EPB41: variants seen among roughly 807,000 people sequenced by gnomAD.
EPB41 encodes protein 4.1.
In EPB41, 65 loss-of-function variants were observed where a neutral mutation model predicts 108.0. The observed-to-expected ratio is 0.60, with a 90% CI of 0.49 to 0.74. The LOEUF is 0.74. EPB41 is among the 30% of genes least tolerant of loss of function. The pLI, the probability that EPB41 is intolerant of heterozygous loss-of-function variation, is 0.00. For synonymous variants in EPB41, 336 were observed against 358.9 expected (o/e 0.94, Z 0.72); for missense variants, 875 against 1,037.0 (o/e 0.84, Z 2.15).
intron 17 of EPB41, among the ~76,000 whole-genome samples, chr1:29,106,141 C>T (rs2151619094): frequency 6.6e-6 from 1 of 152,224 alleles, no homozygotes; most frequent in South Asian, 2.1e-4. Context: ...TATGAGGAAA[C>T]ATTGGTAAGA....
At chr1:29,024,895 G>C (rs2096699963) in intron 7 of EPB41, among the ~76,000 whole-genome samples, 1 of 151,952 alleles carries the variant, frequency 6.6e-6, no homozygotes, top group Non-Finnish European at 1.5e-5. Context: ...GAATTTACTT[G>C]CTCCTTTTTG....
chr1:29,112,032 C>T (rs573105416), intron 18 of EPB41, among the ~76,000 whole-genome samples: 1 of 151,324 alleles, frequency 6.6e-6, no homozygotes, highest in East Asian at 1.9e-4. Context: ...GTGTACTCTA[C>T]AAGGGAGTAG....
intron 1 of EPB41, among the ~76,000 whole-genome samples, chr1:28,917,372 CT>C (rs2092758988): frequency 6.6e-6 from 1 of 152,070 alleles, no homozygotes; most frequent in Admixed American, 6.6e-5. Flanking sequence ...CCTCCACCTC[CT>C]GGATTTAAGC....
chr1:29,018,348 C>G lies in EPB41; in HGVS notation c.1030C>G (p.Leu344Val). ...QSELGDYDPE[L>V]HGVDYVSDFK... is the part of the protein sequence containing the mutation. Reference sequence around the variant, plus strand: ...TGAACTGGGAGACTACGACCCAGAACTCCATGGCGTGGATTATGTTAGTGA... The same window carrying G: ...TGAACTGGGAGACTACGACCCAGAAGTCCATGGCGTGGATTATGTTAGTGA... The change falls in exon 7 of 21, where the codon CTC becomes GTC. Residue 344 changes from leucine (L) to valine (V), a missense_variant. By Grantham distance (32) the Leu-to-Val change is conservative (BLOSUM62 1). Transcript: ENST00000343067. This position sits in a 1 kb window ranked among gnomAD's most constrained non-coding sequence, Gnocchi z 4.4. 6.2e-7 allele frequency: 1 copy of G among 1,614,156 alleles called. No homozygotes were observed. The highest frequency in any genetic ancestry group is 8.5e-7 in the Non-Finnish European group (1 of 1,180,030).
intron 3 of EPB41, among the ~76,000 whole-genome samples, chr1:28,995,879 GAA>G (rs998315645): frequency 6.6e-6 from 1 of 152,126 alleles, no homozygotes; most frequent in African/African-American, 2.4e-5. Context: ...GAGAAAAAAA[GAA>G]AATTATTTGA....
rs140520678 is a variant in EPB41 at position 28,916,586 on chromosome 1, G to A, written c.-8+1818G>A. Reference sequence around the variant, plus strand: ...TAGGAGGCGGAGGTTGCAGTGAGCCGAGATTGCACCACTGCACTTCAACCT... The same window carrying A: ...TAGGAGGCGGAGGTTGCAGTGAGCCAAGATTGCACCACTGCACTTCAACCT... On this transcript the variant is annotated intron_variant, in intron 1 of 20. Transcript: ENST00000343067. Among the ~76,000 whole-genome samples, 1,096 of 152,228 alleles carry A rather than the reference G, an allele frequency of 7.2e-3. 16 individuals carry two copies. The highest frequency in any genetic ancestry group is 0.023 in the African/African-American group (945 of 41,528).
intron 20 of EPB41, among the ~76,000 whole-genome samples, chr1:29,116,291 G>A (rs1670933507): frequency 6.6e-6 from 1 of 151,776 alleles, no homozygotes; most frequent in African/African-American, 2.4e-5. Flanking sequence ...TGGGACTACA[G>A]GCATGTGCCA....
chr1:29,080,411 CTTTTTTTTTT>C (rs62880161), intron 16 of EPB41, among the ~76,000 whole-genome samples: 4 of 139,722 alleles, frequency 2.9e-5, no homozygotes, highest in Non-Finnish European at 4.7e-5. Context: ...CCCTTTTTTT[CTTTTTTTTTT>C]TTTTTGAGAC....
At chr1:29,104,934 G>T (rs915341472) in intron 17 of EPB41, among the ~76,000 whole-genome samples, 1 of 151,252 alleles carries the variant, frequency 6.6e-6, no homozygotes, top group African/African-American at 2.4e-5. Context: ...TGTTGCTAAG[G>T]CTGATCTCGA....
At chr1:28,943,092 AAG>A (rs2094357133) in intron 1 of EPB41, among the ~76,000 whole-genome samples, 1 of 152,202 alleles carries the variant, frequency 6.6e-6, no homozygotes. Context: ...TAAAAGATAT[AAG>A]AAAAAGTTCT....
intron 17 of EPB41, among the ~76,000 whole-genome samples, chr1:29,108,254 T>G (rs1667905970): frequency 6.6e-6 from 1 of 151,038 alleles, no homozygotes; most frequent in South Asian, 2.1e-4. Context: ...GTTCAAGCTA[T>G]TCTCCTGCCT....
At chr1:29,109,681 C>T (rs564467225) in intron 18 of EPB41, 1 of 533,570 alleles carries the variant, frequency 1.9e-6, no homozygotes, top group African/African-American at 1.9e-5. Flanking sequence ...TGGTTGTTCT[C>T]TTTACACATC....
At chr1:29,109,232 A>T in intron 17 of EPB41, 104 bp from the exon 18 acceptor site, 1 of 853,662 alleles carries the variant, frequency 1.2e-6, no homozygotes, top group Non-Finnish European at 2.0e-6. Context: ...TAAGGGAATG[A>T]GATTTTTGCA....
intron 1 of EPB41, chr1:28,985,686 A>G (rs1365187270): frequency 6.6e-6 from 1 of 152,224 alleles, no homozygotes; most frequent in Non-Finnish European, 1.5e-5. Flanking sequence ...GATTGTTAAC[A>G]TCCAGATAAA....
intron 1 of EPB41, among the ~76,000 whole-genome samples, chr1:28,977,981 C>G (rs987163946): frequency 4.1e-5 from 6 of 144,780 alleles, no homozygotes; most frequent in Non-Finnish European, 1.5e-5. Flanking sequence ...AACATAGATG[C>G]AAACTCTCCT....
chr1:29,105,497 C>G (rs1419501698), intron 17 of EPB41, among the ~76,000 whole-genome samples: 3 of 152,136 alleles, frequency 2.0e-5, no homozygotes, highest in Non-Finnish European at 1.5e-5. Flanking sequence ...CTTGGCCTCC[C>G]AAAGTGCTGG....
At chr1:28,936,967 T>C (rs1348690698) in intron 1 of EPB41, among the ~76,000 whole-genome samples, 2 of 152,206 alleles carry the variant, frequency 1.3e-5, no homozygotes, top group Non-Finnish European at 2.9e-5. Flanking sequence ...ATTCTATGTT[T>C]AACTTTTTGA....
At chr1:29,100,221 C>T (rs1013041732) in intron 17 of EPB41, among the ~76,000 whole-genome samples, 16 of 151,336 alleles carry the variant, frequency 1.1e-4, no homozygotes, top group African/African-American at 3.9e-4. Context: ...GTAATCCCAG[C>T]ACTTTGGGAG....
upstream of EPB41, chr1:28,887,156 A>G (rs2089504504): frequency 9.0e-7 from 1 of 1,108,832 alleles, no homozygotes; most frequent in Non-Finnish European, 1.2e-6. This position sits in a 1 kb window ranked among gnomAD's most constrained non-coding sequence, Gnocchi z 4.9. Context: ...TTAAAGGGCG[A>G]GAGCGGCGCG....
Sources: allele counts gnomAD v4.1 joint callset (sites outside exome capture counted in the v4.1 genomes callset), GRCh38; gene constraint gnomAD v4.1.1; non-coding constraint Gnocchi (gnomAD v3.1); transcripts MANE v1.5; gene names NCBI Gene and HGNC (gene_info 2026-07-23, HGNC 2026-07-21).